Variants in STIM1 observed in about 807,000 individuals in gnomAD.
STIM1 encodes stromal interaction molecule 1.
STIM1 carries 25 observed loss-of-function variants against 74.7 expected under a neutral mutation model. That is an observed-to-expected ratio of 0.33 (90% CI 0.24 to 0.47). The LOEUF (loss-of-function observed/expected upper bound fraction) is 0.47, where lower values mean the gene tolerates loss of function less well. Ranked by LOEUF, STIM1 falls within the 20% of genes least tolerant of loss-of-function variation. STIM1 has a pLI of 1.00. For missense variants in STIM1, 728 were observed against 920.8 expected (o/e 0.79, Z 2.71); for synonymous variants, 328 against 348.8 (o/e 0.94, Z 0.66).
chr11:3,889,298 A>T (rs1458070756), intron 1 of STIM1, among the ~76,000 whole-genome samples: 1 of 151,918 alleles, frequency 6.6e-6, no homozygotes, highest in Admixed American at 6.6e-5. Flanking sequence ...GGGGTGTGAG[A>T]AGGAAGCTAG....
At chr11:3,928,593 A>ATG (rs1442919644) in intron 1 of STIM1, among the ~76,000 whole-genome samples, 1 of 151,284 alleles carries the variant, frequency 6.6e-6, no homozygotes, top group Non-Finnish European at 1.5e-5. Flanking sequence ...TAGCCCGGGG[A>ATG]TGTGTGTGTG....
At chr11:4,024,421 A>G (rs1273781867) in intron 3 of STIM1, among the ~76,000 whole-genome samples, 1 of 152,190 alleles carries the variant, frequency 6.6e-6, no homozygotes, top group Non-Finnish European at 1.5e-5. Flanking sequence ...CTCCTCTTCT[A>G]TACCATCTTG....
At chr11:3,912,246 C>A in intron 1 of STIM1, among the ~76,000 whole-genome samples, 1 of 135,420 alleles carries the variant, frequency 7.4e-6, no homozygotes, top group Admixed American at 7.5e-5. Flanking sequence ...CTTATCCCCT[C>A]CCTTCTCTCC....
At chr11:4,069,920 AGT>A (rs2133160582) in intron 5 of STIM1, 104 bp from the exon 6 acceptor site, 2 of 1,202,364 alleles carry the variant, frequency 1.7e-6, no homozygotes, top group South Asian at 2.5e-5. Flanking sequence ...TCAGTGGGAG[AGT>A]GTGTCTGTTA....
intron 1 of STIM1, among the ~76,000 whole-genome samples, chr11:3,900,307 G>A (rs1207557435): frequency 6.6e-6 from 1 of 152,254 alleles, no homozygotes; most frequent in Non-Finnish European, 1.5e-5. Context: ...ATTGGGGTGG[G>A]AGTGACCCGA....
At chr11:3,864,557 T>C (rs1261096324) in intron 1 of STIM1, among the ~76,000 whole-genome samples, 2 of 152,214 alleles carry the variant, frequency 1.3e-5, no homozygotes, top group Admixed American at 1.3e-4. Flanking sequence ...GAACAAGTGG[T>C]CCAAGAGAGC....
intron 2 of STIM1, among the ~76,000 whole-genome samples, chr11:4,004,299 C>G (rs2093753727): frequency 6.6e-6 from 1 of 152,076 alleles, no homozygotes; most frequent in South Asian, 2.1e-4. Context: ...GCCAAAAGAA[C>G]AAAGCTGGAG....
intron 3 of STIM1, among the ~76,000 whole-genome samples, chr11:4,038,742 C>G (rs1338406525): frequency 6.6e-6 from 1 of 152,126 alleles, no homozygotes; most frequent in African/African-American, 2.4e-5. Context: ...GGCCGTTGTT[C>G]TTCATATACC....
chr11:4,043,643 A>G (rs1298648317), intron 3 of STIM1, among the ~76,000 whole-genome samples: 1 of 152,218 alleles, frequency 6.6e-6, no homozygotes, highest in Non-Finnish European at 1.5e-5. Context: ...TAGTAAATGA[A>G]TCTAATTTAT....
At position 3,929,293 on chromosome 11, in the gene STIM1, G is replaced by A. The variant is rs193054869; in HGVS notation, c.140-38259G>A. 2.6e-5 allele frequency among the ~76,000 whole-genome samples: 4 copies of A among 152,312 alleles called. 1 individual carries two copies. Among genetic ancestry groups the A allele is most frequent in the Admixed American group, 2.0e-4 (3 of 15,304 alleles). On this transcript the variant is annotated intron_variant, in intron 1 of 12. Coordinates refer to ENST00000526596, the MANE Select transcript of STIM1 (RefSeq NM_001382567.1). ...TTCTGCTCTAGATTTGTGTGTTAAG[G>A]AGCTGTGGGAACTGGCAGTTAGTAC...
chr11:3,855,633 CGGGCCCG>C, upstream of STIM1: 1 of 137,248 alleles, frequency 7.3e-6, no homozygotes, highest in East Asian at 2.6e-4. Context: ...CCGCCCGCCC[CGGGCCCG>C]CCCCGCGCCG....
intron 3 of STIM1, among the ~76,000 whole-genome samples, chr11:4,049,027 C>T (rs1022199167): frequency 1.3e-5 from 2 of 152,194 alleles, no homozygotes; most frequent in African/African-American, 4.8e-5. Context: ...AGCCACTGCA[C>T]CTGGCCTATA....
intron 4 of STIM1, among the ~76,000 whole-genome samples, 173 bp downstream of exon 4, chr11:4,055,810 G>A (rs914434109): frequency 1.3e-5 from 2 of 152,174 alleles, no homozygotes; most frequent in Non-Finnish European, 2.9e-5. Context: ...TATGATGGGC[G>A]CTTTGTATCC....
chr11:3,871,215 C>T (rs2091083482), intron 1 of STIM1, among the ~76,000 whole-genome samples: 2 of 152,120 alleles, frequency 1.3e-5, no homozygotes, highest in African/African-American at 4.8e-5. Context: ...TATCCCCTTC[C>T]CTCAGGGTCT....
chr11:4,058,674 A>G, intron 4 of STIM1: 2 of 421,892 alleles, frequency 4.7e-6, no homozygotes, highest in Non-Finnish European at 6.4e-6. Context: ...GTATGGGTGG[A>G]GGTCATAAAA....
intron 1 of STIM1, among the ~76,000 whole-genome samples, chr11:3,939,526 C>G (rs1030818590): frequency 6.6e-6 from 1 of 152,042 alleles, no homozygotes; most frequent in Non-Finnish European, 1.5e-5. Flanking sequence ...TAAAAAAATA[C>G]AGCTTTTTTA....
intron 1 of STIM1, among the ~76,000 whole-genome samples, chr11:3,888,699 C>T (rs1282870194): frequency 6.6e-6 from 1 of 151,970 alleles, no homozygotes; most frequent in African/African-American, 2.4e-5. Flanking sequence ...TACAGGTGTG[C>T]ACCACCATAC....
At position 4,028,117 on chromosome 11, in the gene STIM1, C is replaced by G. The variant is rs548138848; in HGVS notation, c.385+4130C>G. Among the ~76,000 whole-genome samples the G allele has an allele frequency of 2.6e-5, 4 of 151,618 alleles. No individual in the cohort carries two copies. The South Asian group carries it at 8.3e-4, about 31-fold the overall frequency. On this transcript the variant is annotated intron_variant, in intron 3 of 12. Transcript: ENST00000526596. Reference sequence around the variant, plus strand: ...TCTTCTTTTGAGACAGAGTCTCACTCTGTAGCCCAGGCTGGAGTTCAGTGG... The same window carrying G: ...TCTTCTTTTGAGACAGAGTCTCACTGTGTAGCCCAGGCTGGAGTTCAGTGG...
intron 1 of STIM1, among the ~76,000 whole-genome samples, chr11:3,862,093 T>C (rs1283712974): frequency 1.3e-5 from 2 of 152,072 alleles, no homozygotes; most frequent in Non-Finnish European, 2.9e-5. Flanking sequence ...TTGTTGCTGT[T>C]GTTGTTACTG....
Sources: allele counts gnomAD v4.1 joint callset (sites outside exome capture counted in the v4.1 genomes callset), GRCh38; gene constraint gnomAD v4.1.1; transcripts MANE v1.5; gene names NCBI Gene and HGNC (gene_info 2026-07-23, HGNC 2026-07-21).